The following HSPA12A variants were observed in gnomAD, a reference collection of about 807,000 sequenced individuals.
HSPA12A encodes heat shock protein family A (Hsp70) member 12A.
HSPA12A carries 28 observed loss-of-function variants against 69.2 expected under a neutral mutation model. The observed-to-expected ratio is 0.40, with a 90% CI of 0.30 to 0.55. HSPA12A has a LOEUF of 0.55. Ranked by LOEUF, HSPA12A falls within the 20% of genes least tolerant of loss-of-function variation. HSPA12A has a pLI of 0.38. For missense variants in HSPA12A, 686 were observed against 900.7 expected (o/e 0.76, Z 3.05); for synonymous variants, 345 against 370.5 (o/e 0.93, Z 0.79).
intron 2 of HSPA12A, chr10:116,833,130 A>C (rs1283011732): frequency 6.6e-6 from 1 of 152,208 alleles, no homozygotes; most frequent in African/African-American, 2.4e-5. Context: ...TTAACACAAC[A>C]CTGGCCGCAA....
At chr10:116,783,461 G>A (rs181656975) in intron 2 of HSPA12A, among the ~76,000 whole-genome samples, 95 of 152,300 alleles carry the variant, frequency 6.2e-4, no homozygotes, top group African/African-American at 2.2e-3. Flanking sequence ...ATGAATGAGC[G>A]TGTGGGTGGA....
At chr10:116,800,258 G>T (rs1281624936) in intron 2 of HSPA12A, among the ~76,000 whole-genome samples, 1 of 152,162 alleles carries the variant, frequency 6.6e-6, no homozygotes, top group Non-Finnish European at 1.5e-5. Context: ...CTTCTGTGGT[G>T]GCCCCAGCCT....
rs530108719 is a variant in HSPA12A at position 116,819,241 on chromosome 10, T to C, written c.91+15694A>G. 8.7e-4 allele frequency among the ~76,000 whole-genome samples: 133 copies of C among 152,328 alleles called. 2 individuals carry two copies. The South Asian group carries it at 0.026, about 30-fold the overall frequency. ...CCATCATCCAGTTGAGAAGCCCTTG[T>C]GCCCCTCTCATCTGGATGGCTCCAC... On this transcript the variant is annotated intron_variant, in intron 2 of 12. Transcript: ENST00000635765.
intron 1 of HSPA12A, among the ~76,000 whole-genome samples, chr10:116,738,677 G>C (rs1426325234): frequency 1.3e-5 from 2 of 152,160 alleles, no homozygotes; most frequent in African/African-American, 4.8e-5. Context: ...AGTACCGAAG[G>C]CTTTGGGACC....
At chr10:116,828,431 C>G (rs1845551338) in intron 2 of HSPA12A, among the ~76,000 whole-genome samples, 1 of 152,178 alleles carries the variant, frequency 6.6e-6, no homozygotes, top group Admixed American at 6.5e-5. Context: ...CCCTTCCTAC[C>G]TCTCCATCTC....
intron 2 of HSPA12A, among the ~76,000 whole-genome samples, chr10:116,788,219 C>T (rs1844621860): frequency 6.6e-6 from 1 of 152,222 alleles, no homozygotes. Flanking sequence ...CGGCCGTGCG[C>T]ACAACATCCT....
chr10:116,752,738 G>A (rs1460095069), intron 2 of HSPA12A, among the ~76,000 whole-genome samples: 1 of 152,156 alleles, frequency 6.6e-6, no homozygotes, highest in Non-Finnish European at 1.5e-5. Context: ...GGCCTTGAGT[G>A]ACTCATCTAC....
upstream of HSPA12A, among the ~76,000 whole-genome samples, chr10:116,745,517 A>G (rs112245008): frequency 3.7e-3 from 570 of 152,322 alleles, 6 homozygotes; most frequent in Non-Finnish European, 5.1e-3. Flanking sequence ...TAGCTGGTGG[A>G]GAGAATGTTA....
At chr10:116,791,118 G>A (rs1316091891) in intron 2 of HSPA12A, among the ~76,000 whole-genome samples, 1 of 152,192 alleles carries the variant, frequency 6.6e-6, no homozygotes, top group East Asian at 1.9e-4. Flanking sequence ...GGCTAGTGCT[G>A]TGTCCCCAAC....
rs548146393 is a variant in HSPA12A, at chr10:116,793,504, G to A, written c.91+41431C>T. ...GAGGACTGCTTGAACCTGGGAGCTT[G>A]AGGTTGCAGTAAGCCACGATCACAC... On this transcript the variant is annotated intron_variant, in intron 2 of 12. Coordinates refer to the HSPA12A transcript ENST00000635765. Among the ~76,000 whole-genome samples the A allele has an allele frequency of 5.8e-4, 89 of 152,290 alleles. No homozygotes were observed. In the South Asian group the frequency reaches 0.018, roughly 31 times the overall value.
intron 2 of HSPA12A, among the ~76,000 whole-genome samples, chr10:116,705,989 G>A (rs939787895): frequency 2.1e-5 from 3 of 143,548 alleles, no homozygotes; most frequent in Non-Finnish European, 3.0e-5. Context: ...TCTGCCTCCC[G>A]GGTTCACGCC....
rs868271409 is a variant in HSPA12A, at chr10:116,826,012, T to C, written c.91+8923A>G. On this transcript the variant is annotated intron_variant, in intron 2 of 12. Coordinates refer to the HSPA12A transcript ENST00000635765. Reference sequence around the variant, plus strand: ...TCCGGGGAGAAGCCACCTACAGATGTGTGAAGGGCTGTCACATGGAAAGGG... The same window carrying C: ...TCCGGGGAGAAGCCACCTACAGATGCGTGAAGGGCTGTCACATGGAAAGGG... Among the ~76,000 whole-genome samples the C allele has an allele frequency of 3.5e-4, 53 of 152,258 alleles. No homozygotes were observed. In the Middle Eastern group the frequency reaches 0.01, roughly 29 times the overall value.
intron 2 of HSPA12A, among the ~76,000 whole-genome samples, chr10:116,770,747 C>T (rs1844185498): frequency 6.6e-6 from 1 of 152,204 alleles, no homozygotes; most frequent in Non-Finnish European, 1.5e-5. Context: ...TCCCCAGGTG[C>T]TCGGGACAGC....
At chr10:116,692,757 C>T (rs1448020373) in intron 5 of HSPA12A, among the ~76,000 whole-genome samples, 2 of 152,194 alleles carry the variant, frequency 1.3e-5, no homozygotes, top group Admixed American at 1.3e-4. Context: ...CAACTGACAA[C>T]CTCTTAGGCC....
In HSPA12A at chr10:116,674,543, T is replaced by G; in HGVS notation, c.*238A>C. ...CACTTTTGTACCTATGAAAACTAGC[T>G]GCTCCTCCAGGATCCTTTAATTTTC... On this transcript the variant is annotated 3_prime_UTR_variant, in exon 12 of 12. Transcript: ENST00000369209. 1 of 553,978 alleles carries G rather than the reference T, an allele frequency of 1.8e-6. No homozygotes were observed. The highest frequency in any genetic ancestry group is 3.0e-5 in the East Asian group (1 of 33,154). The allele number at this position is 553,978 out of a possible 1,614,324, so 34.3% of individuals were successfully genotyped here.
intron 2 of HSPA12A, among the ~76,000 whole-genome samples, chr10:116,794,416 T>C (rs960631980): frequency 1.3e-5 from 2 of 152,124 alleles, no homozygotes; most frequent in African/African-American, 4.8e-5. Context: ...AACATGACTA[T>C]ATATTGGACC....
intron 2 of HSPA12A, among the ~76,000 whole-genome samples, chr10:116,820,895 G>A (rs1845400286): frequency 6.6e-6 from 1 of 151,934 alleles, no homozygotes; most frequent in Admixed American, 6.6e-5. Flanking sequence ...CCAGTTGCTG[G>A]CACATCATAT....
chr10:116,770,867 G>C (rs1057100876), intron 2 of HSPA12A, among the ~76,000 whole-genome samples: 20 of 146,036 alleles, frequency 1.4e-4, no homozygotes, highest in Admixed American at 7.0e-5. Context: ...TTCTAAGGAT[G>C]CCTTCGGGTC....
At chr10:116,728,100 G>A (rs538302759) in intron 1 of HSPA12A, among the ~76,000 whole-genome samples, 16 of 151,652 alleles carry the variant, frequency 1.1e-4, no homozygotes, top group East Asian at 7.8e-4. Context: ...GAGCCACCGC[G>A]CTTGGCCAAT....
Sources: allele counts gnomAD v4.1 joint callset (sites outside exome capture counted in the v4.1 genomes callset), GRCh38; gene constraint gnomAD v4.1.1; transcripts MANE v1.5; gene names NCBI Gene and HGNC (gene_info 2026-07-23, HGNC 2026-07-21).